The following CFAP410 variants were observed in gnomAD, a reference collection of about 807,000 sequenced individuals.
The protein encoded by CFAP410 is cilia- and flagella-associated protein 410.
Under a neutral mutation model 25.7 loss-of-function variants are expected in CFAP410, and 27 were observed. The observed-to-expected ratio is 1.05, with a 90% CI of 0.77 to 1.45. The LOEUF is 1.45. Ranked by LOEUF, CFAP410 falls within the 40% of genes most tolerant of loss-of-function variation. CFAP410 has a pLI of 0.00. For missense variants in CFAP410, 428 were observed against 354.1 expected, an observed-to-expected ratio of 1.21 and a Z score of -1.67; for synonymous variants, 178 against 158.4, an observed-to-expected ratio of 1.12 and a Z score of -0.93.
intron 5 of CFAP410, 128 bp downstream of exon 5, chr21:44,331,715 T>C: frequency 1.2e-6 from 1 of 843,070 alleles, no homozygotes; most frequent in Non-Finnish European, 1.8e-6. Context: ...GAACAGACAC[T>C]CCCCCCGGAT....
chr21:44,333,517 A>G (rs915626853), intron 3 of CFAP410: 23 of 576,660 alleles, frequency 4.0e-5, no homozygotes, highest in Admixed American at 1.2e-4. Context: ...GACGCTCCAC[A>G]TCAGCTCCTC....
chr21:44,332,036 A>T, intron 4 of CFAP410, 22 bp from the exon 5 acceptor site: 20 of 1,581,018 alleles, frequency 1.3e-5, no homozygotes, highest in Non-Finnish European at 1.7e-5. Context: ...AAGACAGAAG[A>T]CAGCATGAGT....
chr21:44,330,395 G>A (rs573229850), intron 6 of CFAP410, 69 bp from the exon 7 acceptor site: 2 of 1,575,590 alleles, frequency 1.3e-6, no homozygotes, highest in African/African-American at 1.3e-5. Context: ...CAAGGGCTGG[G>A]GCCTGGCCAG....
intron 1 of CFAP410, among the ~76,000 whole-genome samples, chr21:44,337,929 C>T (rs1208274528): frequency 6.6e-6 from 1 of 152,146 alleles, no homozygotes; most frequent in Non-Finnish European, 1.5e-5. Context: ...ATTTGTAAGA[C>T]ACAAAAAGAT....
intron 5 of CFAP410, chr21:44,331,408 G>A (rs780866268): frequency 4.1e-6 from 1 of 241,834 alleles, no homozygotes; most frequent in Non-Finnish European, 8.0e-6. Flanking sequence ...GGAGGCGCCG[G>A]CGTCTCACTG....
At chr21:44,338,302 G>C in intron 1 of CFAP410, 1 of 1,289,102 alleles carries the variant, frequency 7.8e-7, no homozygotes, top group Non-Finnish European at 1.0e-6. Flanking sequence ...CCGCCTGCAC[G>C]GTGAGGCCAG....
Position 44,333,104 on chromosome 21 carries a change from C to CA in CFAP410, c.301_302insT (p.Gly101ValfsTer37), listed in dbSNP as rs774927073. The CA allele has an allele frequency of 4.3e-6, 7 of 1,609,754 alleles. No individual in the cohort carries two copies. Among genetic ancestry groups the CA allele is most frequent in the Non-Finnish European group, 5.9e-6 (7 of 1,178,774 alleles). On this transcript the variant is annotated frameshift_variant, in exon 4 of 7. Coordinates refer to ENST00000339818, the MANE Select transcript of CFAP410 (RefSeq NM_004928.3). LOFTEE classifies it high-confidence loss of function. Reference sequence around the variant, plus strand: ...CATGCGGTAGCGGTGGGGGCTGGTGCCGCAGCACGGGTTCTCGGCCAGCCA... The same window carrying CA: ...CATGCGGTAGCGGTGGGGGCTGGTGCACGCAGCACGGGTTCTCGGCCAGCCA...
Position 44,330,266 on chromosome 21 carries a change from C to T in CFAP410, c.703G>A (p.Val235Met), listed in dbSNP as rs770527377. 1.4e-5 allele frequency: 23 copies of T among 1,603,938 alleles called. No homozygotes were observed. The highest frequency in any genetic ancestry group is 5.6e-5 in the South Asian group (5 of 89,702). The change falls in exon 7 of 7, where the codon GTG becomes ATG. Residue 235 changes from valine (V) to methionine (M), a missense_variant. Val to Met is a conservative substitution (Grantham distance 21). Coordinates refer to ENST00000339818, the MANE Select transcript of CFAP410 (RefSeq NM_004928.3). ...RELDAEGLEAVQQTVGSRLQA... is the reference protein window; with the variant it reads ...RELDAEGLEAMQQTVGSRLQA... Reference sequence around the variant, plus strand: ...AGCCGGCTGCCCACAGTCTGCTGCACGGCCTCCAGCCCCTCTGCATCCAGC... The same window carrying T: ...AGCCGGCTGCCCACAGTCTGCTGCATGGCCTCCAGCCCCTCTGCATCCAGC...
chr21:44,335,853 C>T (rs147855042), intron 2 of CFAP410, 49 bp from the exon 3 acceptor site: 16,749 of 1,396,434 alleles, frequency 0.012, 174 homozygotes, highest in Non-Finnish European at 0.014. Flanking sequence ...CAGGGCATCG[C>T]GGCCGCACTG....
In CFAP410 at chr21:44,339,206, A is replaced by G. The variant is rs1275274505; in HGVS notation, c.-12T>C. 2 of 1,438,692 alleles carry G rather than the reference A, an allele frequency of 1.4e-6. No homozygotes were observed. Among genetic ancestry groups the G allele is most frequent in the South Asian group, 2.8e-5 (2 of 71,334 alleles). The allele number at this position is 1,438,692 out of a possible 1,614,324, so 89.1% of individuals were successfully genotyped here. On this transcript the variant is annotated 5_prime_UTR_variant, in exon 1 of 7. Transcript: ENST00000339818. The stretch of plus-strand genomic sequence containing the variant: ...CGCGTCAGCTTCATGGCGGCCGCCC[A>G]GGCCCGACCGGCGGGCGCCCCCGGC...
At chr21:44,338,886 C>A (rs1334214219) in intron 1 of CFAP410, 1 of 101,358 alleles carries the variant, frequency 9.9e-6, no homozygotes, top group African/African-American at 4.8e-5. Flanking sequence ...CGTCCCGCCC[C>A]GGCTCCTCCC....
At chr21:44,331,816 G>A (rs753882358) in intron 5 of CFAP410, 27 bp downstream of exon 5, 18 of 1,602,342 alleles carry the variant, frequency 1.1e-5, no homozygotes, top group Middle Eastern at 2.2e-4. Flanking sequence ...GATGGGCTGC[G>A]GAGTCCCCGC....
intron 2 of CFAP410, among the ~76,000 whole-genome samples, chr21:44,336,544 C>T (rs2047759760): frequency 6.6e-6 from 1 of 152,184 alleles, no homozygotes; most frequent in Non-Finnish European, 1.5e-5. Context: ...ACCTGCAAAG[C>T]TCCCACATAT....
At chr21:44,332,714 C>T (rs1447904695) in intron 4 of CFAP410, 12 of 383,510 alleles carry the variant, frequency 3.1e-5, no homozygotes, top group South Asian at 5.6e-5. Flanking sequence ...TGGCGCATGG[C>T]GATGGTCAGA....
In CFAP410 at chr21:44,334,521, C is replaced by CCCCTCAACCTCTGGGCGGGCACGTGCA; in HGVS notation, c.143+1236_143+1237insTGCACGTGCCCGCCCAGAGGTTGAGGG. On this transcript the variant is annotated intron_variant, in intron 3 of 6. Transcript: ENST00000339818. ...AACCTCTGGGCGGGCACGCGCACCC[C>CCCCTCAACCTCTGGGCGGGCACGTGCA]CCCCCCCCCCCCGCTCAACCTCTGG... 2.3e-5 allele frequency: 4 copies of CCCCTCAACCTCTGGGCGGGCACGTGCA among 174,472 alleles called. 1 individual carries two copies. Among genetic ancestry groups the CCCCTCAACCTCTGGGCGGGCACGTGCA allele is most frequent in the Admixed American group, 8.4e-5 (1 of 11,846 alleles). The allele number at this position is 174,472 out of a possible 1,614,324, so 10.8% of individuals were successfully genotyped here. A position where few individuals can be genotyped will look rare whatever the true frequency, so the allele number is the denominator to read the frequency against.
Position 44,339,212 on chromosome 21 carries a change from G to C in CFAP410, c.-18C>G. The C allele has an allele frequency of 2.1e-6, 3 of 1,425,924 alleles. No homozygotes were observed. The highest frequency in any genetic ancestry group is 2.8e-6 in the Non-Finnish European group (3 of 1,084,470). 88.3% of individuals were successfully genotyped at this position (1,425,924 alleles called of 1,614,324 possible). Reference sequence around the variant, plus strand: ...AGCTTCATGGCGGCCGCCCAGGCCCGACCGGCGGGCGCCCCCGGCCTCCTG... The same window carrying C: ...AGCTTCATGGCGGCCGCCCAGGCCCCACCGGCGGGCGCCCCCGGCCTCCTG... On this transcript the variant is annotated 5_prime_UTR_variant, in exon 1 of 7. Coordinates refer to ENST00000339818, the MANE Select transcript of CFAP410 (RefSeq NM_004928.3).
At chr21:44,330,407 G>T in intron 6 of CFAP410, 81 bp from the exon 7 acceptor site, 1 of 1,567,468 alleles carries the variant, frequency 6.4e-7, no homozygotes, top group Non-Finnish European at 8.7e-7. Context: ...CCTGGCCAGC[G>T]GTGCCCCACC....
rs1334558789 is a variant in CFAP410 at position 44,329,238 on chromosome 21, ACACGGTCACGCATCAC to A, written c.*944_*959del. On this transcript the variant is annotated 3_prime_UTR_variant, in exon 7 of 7. Coordinates refer to ENST00000339818, the MANE Select transcript of CFAP410 (RefSeq NM_004928.3). ...AGCTTGGGAGAACAGCGGCCTGCAC[ACACGGTCACGCATCAC>A]CGCTCGGCGGAGGATGGGAATATCT... 1 of 152,290 alleles carries A rather than the reference ACACGGTCACGCATCAC, an allele frequency of 6.6e-6. No individual in the cohort carries two copies. The highest frequency in any genetic ancestry group is 1.5e-5 in the Non-Finnish European group (1 of 68,078). The allele number at this position is 152,290 out of a possible 1,614,324, so 9.4% of individuals were successfully genotyped here.
intron 5 of CFAP410, 195 bp downstream of exon 5, chr21:44,331,648 G>C: frequency 1.7e-6 from 1 of 582,232 alleles, no homozygotes; most frequent in Non-Finnish European, 2.9e-6. Flanking sequence ...GCAAAACATG[G>C]ACCTGCCACT....
Sources: allele counts gnomAD v4.1 joint callset (sites outside exome capture counted in the v4.1 genomes callset), GRCh38; gene constraint gnomAD v4.1.1; transcripts MANE v1.5; gene names NCBI Gene and HGNC (gene_info 2026-07-23, HGNC 2026-07-21).